Variants in LIN28B observed in about 807,000 individuals in gnomAD.
LIN28B encodes the protein protein lin-28 homolog B.
Under a neutral mutation model 21.9 loss-of-function variants are expected in LIN28B, and 5 were observed. The ratio of observed to expected loss-of-function variants is 0.23; its 90% CI spans 0.12 to 0.48. The LOEUF is 0.48. LIN28B is among the 20% of genes least tolerant of loss of function. LIN28B has a pLI of 0.98. For synonymous variants in LIN28B, 109 were observed against 111.3 expected (o/e 0.98, Z 0.13); for missense variants, 245 against 310.5 (o/e 0.79, Z 1.58).
At chr6:104,992,099 CT>C (rs1455560752) in intron 2 of LIN28B, among the ~76,000 whole-genome samples, 1 of 150,450 alleles carries the variant, frequency 6.6e-6, no homozygotes, top group Admixed American at 6.6e-5. Flanking sequence ...GAGTTTTGCT[CT>C]TGTTGCCCAG....
At chr6:104,958,399 A>C (rs17065417) in intron 2 of LIN28B, 113 bp downstream of exon 2, 78,009 of 836,690 alleles carry the variant, frequency 0.093, 4,009 homozygotes, top group Middle Eastern at 0.13. Context: ...GAAAGACAAA[A>C]TCTTCCCTGA....
intron 3 of LIN28B, among the ~76,000 whole-genome samples, chr6:105,062,692 A>G (rs1226437652): frequency 6.6e-6 from 1 of 151,978 alleles, no homozygotes; most frequent in African/African-American, 2.4e-5. Context: ...TCAGTTTTCA[A>G]ATACGTTTCT....
chr6:104,945,942 G>C (rs1778151101), intron 2 of LIN28B, among the ~76,000 whole-genome samples: 2 of 151,840 alleles, frequency 1.3e-5, no homozygotes, highest in African/African-American at 4.8e-5. Context: ...GAATGATAGA[G>C]GTGTCCATAT....
upstream of LIN28B, among the ~76,000 whole-genome samples, chr6:104,952,442 A>T (rs1429952548): frequency 1.3e-5 from 2 of 152,090 alleles, no homozygotes; most frequent in East Asian, 3.8e-4. Flanking sequence ...TTTGGAAAAT[A>T]TTTTTCCTGC....
At chr6:104,991,059 C>G (rs559573107) in intron 2 of LIN28B, among the ~76,000 whole-genome samples, 2 of 152,382 alleles carry the variant, frequency 1.3e-5, no homozygotes, top group East Asian at 3.9e-4. Flanking sequence ...ATGGCCCGTT[C>G]TCAATGAGCT....
intron 3 of LIN28B, among the ~76,000 whole-genome samples, chr6:105,044,812 G>A (rs1341998280): frequency 6.6e-6 from 1 of 152,086 alleles, no homozygotes; most frequent in African/African-American, 2.4e-5. Context: ...CCCGACTAGT[G>A]CACGTTCTAC....
intron 2 of LIN28B, among the ~76,000 whole-genome samples, chr6:104,967,673 TA>T (rs1296670012): frequency 2.8e-5 from 4 of 143,836 alleles, no homozygotes; most frequent in African/African-American, 1.1e-4. Flanking sequence ...TTTATTTAAT[TA>T]ATTATTATTA....
intron 3 of LIN28B, among the ~76,000 whole-genome samples, chr6:105,067,748 A>G (rs1441388780): frequency 6.6e-6 from 1 of 152,194 alleles, no homozygotes; most frequent in Non-Finnish European, 1.5e-5. Flanking sequence ...TCAAATGAAT[A>G]TTGTTCCATT....
chr6:105,038,855 T>G (rs1438343405), intron 3 of LIN28B, among the ~76,000 whole-genome samples: 1 of 152,194 alleles, frequency 6.6e-6, no homozygotes, highest in East Asian at 1.9e-4. Flanking sequence ...CTAACCTAAA[T>G]GAGACATCAT....
At chr6:104,969,089 T>G (rs1450711171) in intron 2 of LIN28B, among the ~76,000 whole-genome samples, 3 of 151,596 alleles carry the variant, frequency 2.0e-5, no homozygotes, top group Admixed American at 6.6e-5. Context: ...AGCCATACAT[T>G]TTTTTTTAAG....
chr6:105,018,639 T>G (rs767734580), intron 2 of LIN28B, among the ~76,000 whole-genome samples: 4 of 152,238 alleles, frequency 2.6e-5, no homozygotes, highest in Non-Finnish European at 5.9e-5. Flanking sequence ...CAAGTTAAAG[T>G]TAAATATTTG....
chr6:105,020,919 A>G lies in LIN28B; in HGVS notation c.199-5379A>G, dbSNP rs1771127874. ...AGACGCCCACCACCACGCCCGGCTA[A>G]TTTTTTTTTGTATTTTTAGTAGAAA... On this transcript the variant is annotated intron_variant, in intron 2 of 3. Transcript: ENST00000345080. Among the ~76,000 whole-genome samples the G allele has an allele frequency of 3.3e-5, 5 of 150,190 alleles. No individual in the cohort carries two copies. In the South Asian group the frequency reaches 1.1e-3, roughly 32 times the overall value.
At chr6:104,960,529 A>G (rs1423844154) in intron 2 of LIN28B, among the ~76,000 whole-genome samples, 2 of 152,244 alleles carry the variant, frequency 1.3e-5, no homozygotes, top group East Asian at 1.9e-4. Flanking sequence ...TAAATGTTCA[A>G]CTGGACCTAT....
chr6:105,007,263 T>C (rs1013355113), intron 2 of LIN28B, among the ~76,000 whole-genome samples: 1 of 152,224 alleles, frequency 6.6e-6, no homozygotes, highest in Non-Finnish European at 1.5e-5. Flanking sequence ...ACAGTTTCAA[T>C]TTGAATTTAT....
intron 3 of LIN28B, among the ~76,000 whole-genome samples, chr6:105,037,545 C>T (rs568005106): frequency 7.1e-6 from 1 of 140,904 alleles, no homozygotes; most frequent in Non-Finnish European, 1.5e-5. Flanking sequence ...CAGGGTCTCA[C>T]TCTGTCACCC....
chr6:104,990,718 A>G (rs1261494513), intron 2 of LIN28B, among the ~76,000 whole-genome samples: 1 of 152,136 alleles, frequency 6.6e-6, no homozygotes, highest in African/African-American at 2.4e-5. Context: ...CGCCTTCTGC[A>G]GTGTTTGTGT....
chr6:105,039,352 A>C (rs1771586437), intron 3 of LIN28B, among the ~76,000 whole-genome samples: 1 of 152,200 alleles, frequency 6.6e-6, no homozygotes, highest in Non-Finnish European at 1.5e-5. Context: ...ATGTCTGTAA[A>C]TGAGAATTTT....
intron 3 of LIN28B, among the ~76,000 whole-genome samples, chr6:105,045,267 A>T (rs1357617532): frequency 3.3e-5 from 5 of 150,296 alleles, no homozygotes; most frequent in Non-Finnish European, 3.0e-5. Flanking sequence ...ATACTTCATA[A>T]ATTTGTATGT....
At position 105,078,432 on chromosome 6, in the gene LIN28B, C is replaced by A. The variant is rs1022183753; in HGVS notation, c.402C>A (p.Gly134=). The change falls in exon 4 of 4, where the codon GGC becomes GGA. Residue 134 remains glycine (G), a synonymous_variant. Transcript: ENST00000345080. The part of the protein sequence containing the change: ...PKGDRCYNCG[G]LDHHAKECSL... ...CTTGTAGATGCTACAACTGTGGTGG[C>A]CTTGATCATCATGCTAAGGAATGTA... 2 of 1,605,806 alleles carry A rather than the reference C, an allele frequency of 1.2e-6. No homozygotes were observed. The highest frequency in any genetic ancestry group is 2.7e-5 in the African/African-American group (2 of 74,864).
Sources: gnomAD v4.1 joint callset for allele counts (sites outside exome capture counted in the v4.1 genomes callset) on GRCh38, gnomAD v4.1.1 for gene constraint, MANE v1.5 for transcripts, NCBI Gene and HGNC (gene_info 2026-07-23, HGNC 2026-07-21) for gene names.